The following MORC1 variants were observed in gnomAD, a reference collection of about 807,000 sequenced individuals.
MORC1 encodes MORC family CW-type zinc finger protein 1.
A neutral mutation model predicts 134.9 loss-of-function variants in MORC1; 59 were observed. The ratio of observed to expected loss-of-function variants is 0.44; its 90% CI spans 0.35 to 0.54. The LOEUF (loss-of-function observed/expected upper bound fraction) is 0.54, where lower values mean the gene tolerates loss of function less well. Ranked by LOEUF, MORC1 falls within the 20% of genes least tolerant of loss-of-function variation. The probability of loss-of-function intolerance (pLI) is 0.00; values close to 1 mark genes in which losing one functional copy is unlikely to be tolerated. For synonymous variants in MORC1, 395 were observed against 391.7 expected, an observed-to-expected ratio of 1.01 and a Z score of -0.10; for missense variants, 947 against 1,134.5, an observed-to-expected ratio of 0.83 and a Z score of 2.37.
At chr3:109,062,410 T>A (rs559074972) in intron 10 of MORC1, among the ~76,000 whole-genome samples, 3 of 151,868 alleles carry the variant, frequency 2.0e-5, no homozygotes, top group African/African-American at 7.2e-5. Flanking sequence ...AGTGAATATG[T>A]AGAACATCCT....
At chr3:109,007,999 G>C (rs753914947) in intron 17 of MORC1, among the ~76,000 whole-genome samples, 3 of 151,942 alleles carry the variant, frequency 2.0e-5, no homozygotes, top group Non-Finnish European at 4.4e-5. Flanking sequence ...CACTTTTTGT[G>C]GTAGGGAAAT....
chr3:109,040,423 G>A (rs796652345), intron 14 of MORC1, among the ~76,000 whole-genome samples: 45 of 30,932 alleles, frequency 1.5e-3, no homozygotes, highest in Middle Eastern at 0.05. Context: ...AAGGAAGGAA[G>A]GAAGGAAAGA....
In MORC1 at chr3:109,114,331, A is replaced by T. The variant is rs371553687; in HGVS notation, c.119+53T>A. 14 of 1,442,294 alleles carry T rather than the reference A, an allele frequency of 9.7e-6. No individual in the cohort carries two copies. In the East Asian group the frequency reaches 2.6e-4, roughly 27 times the overall value. The allele number at this position is 1,442,294 out of a possible 1,614,324, so 89.3% of individuals were successfully genotyped here. On this transcript the variant is annotated intron_variant, in intron 2 of 27. Transcript: ENST00000232603. ...TTTTATCTTCCCATGTAATTAGACA[A>T]GAGTTATGTCATGAAATTCCCTCAG...
intron 8 of MORC1, among the ~76,000 whole-genome samples, chr3:109,083,232 A>C (rs930479923): frequency 6.6e-6 from 1 of 152,064 alleles, no homozygotes; most frequent in African/African-American, 2.4e-5. Context: ...GACAAACAAA[A>C]TTCATCACCA....
chr3:109,066,374 C>T (rs1950196490), intron 9 of MORC1, among the ~76,000 whole-genome samples: 1 of 151,664 alleles, frequency 6.6e-6, no homozygotes. Context: ...CAACCTCCAC[C>T]TCCTGGGTTC....
At chr3:109,027,988 G>A in intron 16 of MORC1, 99 bp from the exon 17 acceptor site, 1 of 1,303,144 alleles carries the variant, frequency 7.7e-7, no homozygotes. Flanking sequence ...TACTCTTTAT[G>A]TCATATATCC....
intron 8 of MORC1, among the ~76,000 whole-genome samples, chr3:109,081,732 C>A (rs1483157310): frequency 6.6e-6 from 1 of 152,100 alleles, no homozygotes; most frequent in African/African-American, 2.4e-5. Flanking sequence ...GGATTACAGG[C>A]GTGAGCCACT....
chr3:109,034,426 T>C (rs1413768593), intron 15 of MORC1, among the ~76,000 whole-genome samples: 1 of 152,206 alleles, frequency 6.6e-6, no homozygotes, highest in Admixed American at 6.5e-5. Flanking sequence ...AACATATCAG[T>C]AAGTGCTGAA....
chr3:108,965,819 A>G (rs1205821568), intron 26 of MORC1, among the ~76,000 whole-genome samples: 1 of 152,174 alleles, frequency 6.6e-6, no homozygotes, highest in Non-Finnish European at 1.5e-5. Flanking sequence ...GAAAGAAAGA[A>G]GCAAAAACAA....
In MORC1 at chr3:108,971,575, T is replaced by C. The variant is rs557312798; in HGVS notation, c.2478-173A>G. 2.0e-5 allele frequency among the ~76,000 whole-genome samples: 3 copies of C among 152,184 alleles called. No individual in the cohort carries two copies. The East Asian group carries it at 5.8e-4, about 29-fold the overall frequency. On this transcript the variant is annotated intron_variant, in intron 24 of 27. Transcript: ENST00000232603. ...ACATCAAAGTGTTCTTCAGAAAGCA[T>C]AGACTGGGGAGAGGAAGGTGGGTGT...
At chr3:108,998,395 C>T (rs995502375) in intron 21 of MORC1, among the ~76,000 whole-genome samples, 1 of 152,126 alleles carries the variant, frequency 6.6e-6, no homozygotes, top group Non-Finnish European at 1.5e-5. Context: ...AAAAATAAGA[C>T]CCTAGGTCCC....
rs763960275 is a variant in MORC1 at position 108,958,929 on chromosome 3, T to A, written c.*36A>T. ...TTTTAAAAGAATCTTCCAATTTTCT[T>A]ATTAGCATTTTTTAAAAGGTAATAC... On this transcript the variant is annotated 3_prime_UTR_variant, in exon 28 of 28. Coordinates refer to ENST00000232603, the MANE Select transcript of MORC1 (RefSeq NM_014429.4). 1 of 1,367,828 alleles carries A rather than the reference T, an allele frequency of 7.3e-7. No homozygotes were observed. Among genetic ancestry groups the A allele is most frequent in the Non-Finnish European group, 9.7e-7 (1 of 1,034,644 alleles). 84.7% of individuals were successfully genotyped at this position (1,367,828 alleles called of 1,614,324 possible). A position where few individuals can be genotyped will look rare whatever the true frequency, so the allele number is the denominator to read the frequency against.
chr3:109,005,403 G>A, intron 18 of MORC1, 88 bp from the exon 19 acceptor site: 2 of 1,220,450 alleles, frequency 1.6e-6, no homozygotes, highest in Non-Finnish European at 2.2e-6. Context: ...CATTATAATA[G>A]GTATTTCTTA....
chr3:108,996,307 C>CACACACACACACACACACAA (rs1052240440), intron 21 of MORC1, among the ~76,000 whole-genome samples: 21 of 148,414 alleles, frequency 1.4e-4, no homozygotes, highest in African/African-American at 4.7e-4. Flanking sequence ...CACACACACA[C>CACACACACACACACACACAA]AACTAGAATT....
chr3:108,962,321 TACAAG>T (rs2107349456), intron 27 of MORC1, among the ~76,000 whole-genome samples: 1 of 152,020 alleles, frequency 6.6e-6, no homozygotes, highest in African/African-American at 2.4e-5. Flanking sequence ...TTGTACTTAA[TACAAG>T]ATAAATTTCA....
At chr3:109,080,851 G>A (rs1054059340) in intron 8 of MORC1, among the ~76,000 whole-genome samples, 1 of 152,152 alleles carries the variant, frequency 6.6e-6, no homozygotes, top group African/African-American at 2.4e-5. Flanking sequence ...AATGGGGCAG[G>A]AAGTGAAAAA....
intron 2 of MORC1, 63 bp downstream of exon 2, chr3:109,114,321 T>C: frequency 7.3e-7 from 1 of 1,364,782 alleles, no homozygotes; most frequent in Non-Finnish European, 1.0e-6. Context: ...TCTTCCCATG[T>C]AATTAGACAA....
intron 8 of MORC1, among the ~76,000 whole-genome samples, chr3:109,082,107 T>G (rs190502750): frequency 1.3e-5 from 2 of 152,180 alleles, no homozygotes; most frequent in Non-Finnish European, 2.9e-5. Context: ...CCAGCCAACC[T>G]TCCCACACTG....
chr3:109,036,279 A>AAT (rs569407533), intron 14 of MORC1, among the ~76,000 whole-genome samples: 92 of 152,064 alleles, frequency 6.1e-4, no homozygotes, highest in Middle Eastern at 3.4e-3. Flanking sequence ...ATTTTTTAAA[A>AAT]ATATATATAT....
Sources: allele counts gnomAD v4.1 joint callset (sites outside exome capture counted in the v4.1 genomes callset), GRCh38; gene constraint gnomAD v4.1.1; transcripts MANE v1.5; gene names NCBI Gene and HGNC (gene_info 2026-07-23, HGNC 2026-07-21).